MACROH2A1: variants seen among roughly 807,000 people sequenced by gnomAD.
MACROH2A1 encodes core histone macro-H2A.1.
MACROH2A1 carries 2 observed loss-of-function variants against 31.6 expected under a neutral mutation model. The ratio of observed to expected loss-of-function variants is 0.06; its 90% CI spans 0.03 to 0.20. The LOEUF (loss-of-function observed/expected upper bound fraction) is 0.20. Ranked by LOEUF, MACROH2A1 falls within the 10% of genes least tolerant of loss-of-function variation. The pLI is 1.00. For synonymous variants in MACROH2A1, 169 were observed against 189.6 expected (o/e 0.89, Z 0.89); for missense variants, 230 against 474.0 (o/e 0.49, Z 4.78).
At chr5:135,385,308 T>C (rs1766241110) in intron 2 of MACROH2A1, among the ~76,000 whole-genome samples, 1 of 152,220 alleles carries the variant, frequency 6.6e-6, no homozygotes. Context: ...CAGAAAGCAT[T>C]TCCTGACACC....
chr5:135,382,805 G>A (rs144369459), intron 2 of MACROH2A1, among the ~76,000 whole-genome samples: 1 of 152,332 alleles, frequency 6.6e-6, no homozygotes, highest in East Asian at 1.9e-4. Flanking sequence ...CCTTGGGAGA[G>A]CAGAGGAAAA....
upstream of MACROH2A1, chr5:135,399,793 T>G (rs895473634): frequency 5.2e-5 from 8 of 152,398 alleles, no homozygotes; most frequent in Non-Finnish European, 1.0e-4. This position sits in a 1 kb window ranked among gnomAD's most constrained non-coding sequence, Gnocchi z 4.5. Context: ...CACCCCGAAG[T>G]CTGGAACCTG....
chr5:135,351,378 T>C (rs1359516132), intron 6 of MACROH2A1: 1 of 158,696 alleles, frequency 6.3e-6, no homozygotes, highest in Non-Finnish European at 1.4e-5. Context: ...TTGTGACATT[T>C]ACCATTTTGT....
chr5:135,371,152 C>T (rs188372233), intron 2 of MACROH2A1, among the ~76,000 whole-genome samples: 170 of 152,182 alleles, frequency 1.1e-3, no homozygotes, highest in Middle Eastern at 3.4e-3. Flanking sequence ...ATAAGCCAGG[C>T]ACAGAAGGAC....
At chr5:135,379,013 C>CA (rs1290399693) in intron 2 of MACROH2A1, among the ~76,000 whole-genome samples, 1 of 152,154 alleles carries the variant, frequency 6.6e-6, no homozygotes. Flanking sequence ...AGTCAATACT[C>CA]AGATTTATAG....
intron 1 of MACROH2A1, among the ~76,000 whole-genome samples, chr5:135,393,317 T>TA (rs1194948466): frequency 3.9e-5 from 6 of 152,184 alleles, no homozygotes; most frequent in African/African-American, 1.4e-4. Flanking sequence ...AACTAGAACT[T>TA]AGTCACATGC....
intron 2 of MACROH2A1, among the ~76,000 whole-genome samples, chr5:135,377,494 T>C (rs2149889169): frequency 6.6e-6 from 1 of 152,284 alleles, no homozygotes; most frequent in East Asian, 1.9e-4. Flanking sequence ...GTTTCCCAGA[T>C]GGACTCAAAG....
chr5:135,353,087 G>A (rs913092386), intron 5 of MACROH2A1, 42 bp from the exon 6 acceptor site: 18 of 1,270,646 alleles, frequency 1.4e-5, no homozygotes, highest in East Asian at 4.6e-5. Context: ...AGGAGAGCTG[G>A]GAAGTCTCAG....
intron 2 of MACROH2A1, among the ~76,000 whole-genome samples, chr5:135,380,158 T>C (rs1765465012): frequency 6.6e-6 from 1 of 152,190 alleles, no homozygotes; most frequent in Admixed American, 6.5e-5. Context: ...ACTGGTCTTC[T>C]TAGCCTTCAA....
intron 1 of MACROH2A1, among the ~76,000 whole-genome samples, chr5:135,393,244 C>T (rs1395196775): frequency 1.3e-5 from 2 of 152,118 alleles, no homozygotes; most frequent in African/African-American, 2.4e-5. Flanking sequence ...GGATAATAAC[C>T]TATGAGGGTT....
intron 6 of MACROH2A1, chr5:135,347,019 T>C (rs1760926785): frequency 6.6e-6 from 1 of 152,240 alleles, no homozygotes; most frequent in South Asian, 2.1e-4. Context: ...CTCTGATTCC[T>C]CAGTTTTGCA....
intron 1 of MACROH2A1, among the ~76,000 whole-genome samples, chr5:135,392,184 G>A (rs948972064): frequency 2.0e-5 from 3 of 152,154 alleles, no homozygotes; most frequent in African/African-American, 4.8e-5. Flanking sequence ...ACCACAGCCT[G>A]GAATTGCTCA....
At chr5:135,376,141 A>T (rs1764829323) in intron 2 of MACROH2A1, among the ~76,000 whole-genome samples, 1 of 152,200 alleles carries the variant, frequency 6.6e-6, no homozygotes, top group Non-Finnish European at 1.5e-5. Context: ...AATTCCATAG[A>T]GAAAATAAAA....
At chr5:135,354,873 C>T (rs1761985134) in intron 5 of MACROH2A1, 3 of 361,908 alleles carry the variant, frequency 8.3e-6, no homozygotes, top group South Asian at 6.3e-5. Context: ...CCAAAACACA[C>T]CCCACACAGT....
At chr5:135,365,954 T>C (rs994121471) in intron 4 of MACROH2A1, among the ~76,000 whole-genome samples, 1 of 152,202 alleles carries the variant, frequency 6.6e-6, no homozygotes, top group Non-Finnish European at 1.5e-5. Context: ...ATAATCCCCA[T>C]GTGTCAAGGG....
At chr5:135,377,221 CCT>C (rs1418653150) in intron 2 of MACROH2A1, among the ~76,000 whole-genome samples, 1 of 152,074 alleles carries the variant, frequency 6.6e-6, no homozygotes, top group Non-Finnish European at 1.5e-5. Context: ...CTGGGGAGGC[CCT>C]GAGAAACCTG....
intron 2 of MACROH2A1, among the ~76,000 whole-genome samples, chr5:135,376,876 C>T (rs79237520): frequency 0.016 from 2,441 of 152,324 alleles, 21 homozygotes; most frequent in Middle Eastern, 0.024. Flanking sequence ...ACTGCACTTC[C>T]TTTGCCTCGA....
chr5:135,396,238 GAA>G (rs1423192848), intron 1 of MACROH2A1, among the ~76,000 whole-genome samples: 1 of 152,218 alleles, frequency 6.6e-6, no homozygotes, highest in South Asian at 2.1e-4. Flanking sequence ...GCTATTTAGA[GAA>G]AAGTTAAAGT....
At chr5:135,349,475 T>C (rs115632698) in intron 6 of MACROH2A1, among the ~76,000 whole-genome samples, 139 of 152,246 alleles carry the variant, frequency 9.1e-4, no homozygotes, top group African/African-American at 3.1e-3. Context: ...TTCCATCCAG[T>C]TTGTCTTTCC....
Sources: gnomAD v4.1 joint callset for allele counts (sites outside exome capture counted in the v4.1 genomes callset) on GRCh38, gnomAD v4.1.1 for gene constraint, Gnocchi (gnomAD v3.1) non-coding constraint, MANE v1.5 for transcripts, NCBI Gene and HGNC (gene_info 2026-07-23, HGNC 2026-07-21) for gene names.